Variants in CACNA2D3 observed in about 807,000 individuals in gnomAD.
The protein encoded by CACNA2D3 is calcium voltage-gated channel auxiliary subunit alpha2delta 3.
A neutral mutation model predicts 160.6 loss-of-function variants in CACNA2D3; 60 were observed. The observed-to-expected ratio is 0.37, with a 90% confidence interval of 0.30 to 0.46. CACNA2D3 has a LOEUF of 0.46. Ranked by LOEUF, CACNA2D3 falls within the 20% of genes least tolerant of loss-of-function variation. The pLI is 1.00. For synonymous variants in CACNA2D3, 558 were observed against 492.9 expected, an observed-to-expected ratio of 1.13 and a Z score of -1.75; for missense variants, 1,205 against 1,365.0, an observed-to-expected ratio of 0.88 and a Z score of 1.85.
chr3:54,502,914 T>G (rs1397560092), intron 4 of CACNA2D3, among the ~76,000 whole-genome samples: 1 of 152,164 alleles, frequency 6.6e-6, no homozygotes, highest in Non-Finnish European at 1.5e-5. Flanking sequence ...TCTGAGGGCT[T>G]TTCCCTTGCT....
chr3:55,010,123 C>T (rs921932210), intron 34 of CACNA2D3, among the ~76,000 whole-genome samples: 1 of 151,994 alleles, frequency 6.6e-6, no homozygotes, highest in African/African-American at 2.4e-5. Context: ...GTGACTGGAA[C>T]ATAAGTCCTC....
chr3:54,990,970 T>C (rs969412134), intron 31 of CACNA2D3, among the ~76,000 whole-genome samples: 18 of 152,212 alleles, frequency 1.2e-4, no homozygotes, highest in Admixed American at 2.6e-4. Flanking sequence ...GACCTGACTC[T>C]AGCCAGCTTA....
chr3:54,158,870 A>T (rs1442712810), intron 2 of CACNA2D3, among the ~76,000 whole-genome samples: 3 of 152,182 alleles, frequency 2.0e-5, no homozygotes, highest in African/African-American at 7.2e-5. Flanking sequence ...CATTTGTCCT[A>T]CCTCTGTGCA....
At chr3:54,126,780 C>T (rs1263182861) in intron 2 of CACNA2D3, among the ~76,000 whole-genome samples, 1 of 152,202 alleles carries the variant, frequency 6.6e-6, no homozygotes, top group Non-Finnish European at 1.5e-5. Context: ...TGTGTGCTGC[C>T]TTGCTAAGCT....
intron 11 of CACNA2D3, among the ~76,000 whole-genome samples, chr3:54,702,703 A>AC (rs1700788888): frequency 6.6e-6 from 1 of 152,132 alleles, no homozygotes; most frequent in African/African-American, 2.4e-5. Flanking sequence ...TTAGAACAGA[A>AC]CTACTATTCA....
intron 4 of CACNA2D3, among the ~76,000 whole-genome samples, chr3:54,433,168 CATTTGGG>C (rs1369625981): frequency 1.3e-5 from 2 of 152,082 alleles, no homozygotes; most frequent in African/African-American, 4.8e-5. Flanking sequence ...GCAGCTAGCT[CATTTGGG>C]ACCATGAGTG....
At chr3:54,474,762 A>T (rs1559492231) in intron 4 of CACNA2D3, among the ~76,000 whole-genome samples, 1 of 152,104 alleles carries the variant, frequency 6.6e-6, no homozygotes, top group Admixed American at 6.6e-5. Flanking sequence ...CACTTAGAAA[A>T]ATAAGGCAAG....
intron 13 of CACNA2D3, among the ~76,000 whole-genome samples, chr3:54,813,250 G>A (rs1703366724): frequency 6.6e-6 from 1 of 152,188 alleles, no homozygotes; most frequent in African/African-American, 2.4e-5. Flanking sequence ...GACCCCTCAT[G>A]GAGTAAATGA....
chr3:54,391,384 T>A (rs576086523), intron 4 of CACNA2D3, among the ~76,000 whole-genome samples: 1 of 152,310 alleles, frequency 6.6e-6, no homozygotes, highest in Non-Finnish European at 1.5e-5. Context: ...AAAACTGTAT[T>A]GGGGCAAGAG....
intron 5 of CACNA2D3, 25 bp from the exon 6 acceptor site, chr3:54,562,775 C>T (rs780789528): frequency 1.3e-5 from 19 of 1,518,496 alleles, no homozygotes; most frequent in Non-Finnish European, 5.4e-6. Flanking sequence ...TAATACACCC[C>T]TCTCTCTCTC....
chr3:55,060,254 C>T (rs542251092), intron 35 of CACNA2D3, among the ~76,000 whole-genome samples: 67 of 152,216 alleles, frequency 4.4e-4, no homozygotes, highest in African/African-American at 1.6e-3. Flanking sequence ...ATTGAAGTTC[C>T]TCACAGAGTT....
At chr3:54,689,003 A>AGAGAGGG (rs1362100948) in intron 11 of CACNA2D3, among the ~76,000 whole-genome samples, 1 of 123,142 alleles carries the variant, frequency 8.1e-6, no homozygotes, top group Non-Finnish European at 1.7e-5. Context: ...AAAAAAAAAA[A>AGAGAGGG]AAAAAAAAGA....
At chr3:54,195,138 G>A (rs11716284) in intron 2 of CACNA2D3, among the ~76,000 whole-genome samples, 8,304 of 152,238 alleles carry the variant, frequency 0.055, 284 homozygotes, top group African/African-American at 0.086. Flanking sequence ...ACATTCCAGA[G>A]TCCCGCCTCC....
At chr3:54,555,445 A>G (rs993787388) in intron 5 of CACNA2D3, among the ~76,000 whole-genome samples, 3 of 152,208 alleles carry the variant, frequency 2.0e-5, no homozygotes, top group African/African-American at 4.8e-5. Flanking sequence ...GACCCTATGT[A>G]GCATGTGCAC....
At chr3:54,890,884 A>C (rs1001867593) in intron 24 of CACNA2D3, among the ~76,000 whole-genome samples, 1 of 152,206 alleles carries the variant, frequency 6.6e-6, no homozygotes, top group African/African-American at 2.4e-5. Context: ...GGATGCTGCA[A>C]ACTTGGTTCC....
Position 54,934,676 on chromosome 3 carries a change from A to G in CACNA2D3, c.2450-33774A>G, listed in dbSNP as rs78752539. ...AGGTTCTGTGTAGACTAGAAAAGAT[A>G]TTGCATACTGGTTCCTGGTCTTCAA... On this transcript the variant is annotated intron_variant, in intron 27 of 37. Transcript: ENST00000474759. Among the ~76,000 whole-genome samples the G allele has an allele frequency of 6.3e-3, 956 of 152,226 alleles. 17 individuals are homozygous for G. Among genetic ancestry groups the G allele is most frequent in the African/African-American group, 0.022 (924 of 41,538 alleles).
chr3:54,732,717 C>G (rs916425873), intron 11 of CACNA2D3, among the ~76,000 whole-genome samples: 1 of 152,184 alleles, frequency 6.6e-6, no homozygotes, highest in Non-Finnish European at 1.5e-5. Context: ...GGAAGTCCCA[C>G]TGAATGGCTG....
At position 54,461,744 on chromosome 3, in the gene CACNA2D3, T is replaced by G. The variant is rs1037664351; in HGVS notation, c.382-41748T>G. On this transcript the variant is annotated intron_variant, in intron 4 of 37. Transcript: ENST00000474759. ...AAAAACCAGCTCCTGGATTGATTAA[T>G]TTTTTGAAGGGTTTTTTGTGTCTCT... Among the ~76,000 whole-genome samples the G allele has an allele frequency of 2.6e-5, 4 of 152,108 alleles. No individual in the cohort carries two copies. The East Asian group carries it at 5.8e-4, about 22-fold the overall frequency.
intron 2 of CACNA2D3, among the ~76,000 whole-genome samples, chr3:54,198,908 G>A (rs1247519743): frequency 6.6e-6 from 1 of 152,266 alleles, no homozygotes; most frequent in Non-Finnish European, 1.5e-5. Flanking sequence ...GCTCCTAGAT[G>A]TCTTGCTCCT....
Sources: allele counts gnomAD v4.1 joint callset (sites outside exome capture counted in the v4.1 genomes callset), GRCh38; gene constraint gnomAD v4.1.1; transcripts MANE v1.5; gene names NCBI Gene and HGNC (gene_info 2026-07-23, HGNC 2026-07-21).